The following ERCC6 variants were observed in gnomAD, a reference collection of about 807,000 sequenced individuals.
ERCC6 encodes the protein DNA excision repair protein ERCC-6.
Under a neutral mutation model 158.7 loss-of-function variants are expected in ERCC6, and 116 were observed. The observed-to-expected ratio is 0.73, with a 90% CI of 0.63 to 0.85. The LOEUF (loss-of-function observed/expected upper bound fraction) is 0.85. ERCC6 is among the 40% of genes least tolerant of loss of function. The probability of loss-of-function intolerance (pLI) is 0.00; values close to 1 mark genes in which losing one functional copy is unlikely to be tolerated. For synonymous variants in ERCC6, 678 were observed against 659.3 expected, an observed-to-expected ratio of 1.03 and a Z score of -0.43; for missense variants, 1,698 against 1,799.4, an observed-to-expected ratio of 0.94 and a Z score of 1.02.
chr10:49,436,872 A>G, the ERCC6 span, among the ~76,000 whole-genome samples: 1 of 152,238 alleles, frequency 6.6e-6, no homozygotes, highest in African/African-American at 2.4e-5. Context: ...AATTAGAACC[A>G]GGTAAGAGAG....
In ERCC6 at chr10:49,516,509, C is replaced by A. The variant is rs200121511; in HGVS notation, c.1397+7524G>T. ...CATTATGCACATCTGTTCTTTGTTC[C>A]CAAAACATACGCCTTCTAGGAACTG... On this transcript the variant is annotated intron_variant, in intron 5 of 20. Transcript: ENST00000355832. 2.3e-4 allele frequency: 375 copies of A among 1,614,070 alleles called. 2 individuals carry two copies. The highest frequency in any genetic ancestry group is 1.7e-4 in the Non-Finnish European group (203 of 1,180,004).
chr10:49,515,820 C>G (rs368563985), intron 5 of ERCC6: 2 of 1,614,168 alleles, frequency 1.2e-6, no homozygotes, highest in South Asian at 1.1e-5. Context: ...ACTGACAAGA[C>G]ACAGGGGATG....
chr10:49,475,109 C>A (rs1261259148), intron 12 of ERCC6, among the ~76,000 whole-genome samples: 2 of 152,214 alleles, frequency 1.3e-5, no homozygotes, highest in African/African-American at 2.4e-5. Flanking sequence ...TCAATCTGCA[C>A]TGTCCAATGC....
At chr10:49,472,075 C>T (rs1305998553) in intron 16 of ERCC6, among the ~76,000 whole-genome samples, 2 of 152,130 alleles carry the variant, frequency 1.3e-5, no homozygotes, top group African/African-American at 4.8e-5. Flanking sequence ...CTGAAGGCAA[C>T]ACACCATAGC....
chr10:49,459,265 T>C (rs373553169), intron 20 of ERCC6, 31 bp from the exon 21 acceptor site: 3 of 1,609,480 alleles, frequency 1.9e-6, no homozygotes, highest in African/African-American at 2.7e-5. Flanking sequence ...TACTGATATA[T>C]TTAATTTCTA....
intron 18 of ERCC6, 67 bp downstream of exon 18, chr10:49,470,115 C>T: frequency 7.1e-7 from 1 of 1,405,738 alleles, no homozygotes. Flanking sequence ...AAGACTGCTA[C>T]TGCTAGAAAC....
At chr10:49,463,329 C>T (rs578216451) in intron 18 of ERCC6, among the ~76,000 whole-genome samples, 30 of 152,162 alleles carry the variant, frequency 2.0e-4, no homozygotes, top group Admixed American at 3.9e-4. Context: ...TTTTCCACAT[C>T]TGGCATCATG....
chr10:49,490,470 T>C (rs1020451867), intron 8 of ERCC6, among the ~76,000 whole-genome samples: 2 of 151,322 alleles, frequency 1.3e-5, no homozygotes, highest in African/African-American at 4.9e-5. Flanking sequence ...TTCTCCTGCC[T>C]CAGCCTCCCG....
intron 18 of ERCC6, among the ~76,000 whole-genome samples, chr10:49,469,473 G>A (rs781368043): frequency 1.9e-4 from 29 of 152,108 alleles, no homozygotes; most frequent in Non-Finnish European, 2.6e-4. Flanking sequence ...AGAGTTCTTC[G>A]TATTATTCCA....
intron 18 of ERCC6, among the ~76,000 whole-genome samples, chr10:49,467,481 C>T (rs908166854): frequency 1.3e-5 from 2 of 152,078 alleles, no homozygotes; most frequent in Non-Finnish European, 2.9e-5. Context: ...ATAATATTAA[C>T]AAGTTTCATA....
At chr10:49,501,922 C>A (rs981056985) in intron 6 of ERCC6, 1 of 151,940 alleles carries the variant, frequency 6.6e-6, no homozygotes, top group Admixed American at 6.6e-5. Flanking sequence ...ATTGCACCAC[C>A]GGATTCCAAA....
the ERCC6 span, among the ~76,000 whole-genome samples, chr10:49,440,990 G>A: frequency 6.6e-6 from 1 of 152,212 alleles, no homozygotes. Flanking sequence ...CTTTATTAAT[G>A]AGCTGTGACA....
At chr10:49,512,467 T>A (rs2132591099) in intron 5 of ERCC6, among the ~76,000 whole-genome samples, 1 of 152,350 alleles carries the variant, frequency 6.6e-6, no homozygotes, top group East Asian at 1.9e-4. Flanking sequence ...TTCTTCCCAA[T>A]ATTGATACTG....
At chr10:49,444,652 G>T in the ERCC6 span, among the ~76,000 whole-genome samples, 2 of 152,160 alleles carry the variant, frequency 1.3e-5, no homozygotes, top group African/African-American at 4.8e-5. Context: ...GTGAGTACGA[G>T]GATTGAGCTG....
At chr10:49,481,152 GA>G (rs2132549830) in intron 10 of ERCC6, among the ~76,000 whole-genome samples, 2 of 152,322 alleles carry the variant, frequency 1.3e-5, no homozygotes, top group South Asian at 4.1e-4. Flanking sequence ...CCTCAGCTGT[GA>G]ATCTACATGG....
rs1836913765 is a variant in ERCC6, at chr10:49,515,319, G to T, written c.1397+8714C>A. 3.8e-6 allele frequency: 6 copies of T among 1,592,466 alleles called. No individual in the cohort carries two copies. The Middle Eastern group carries it at 6.7e-4, about 178-fold the overall frequency. On this transcript the variant is annotated intron_variant, in intron 5 of 20. Transcript: ENST00000355832. ...TAAAACTATGTTTCTTATCTCAGGA[G>T]GTGGTGACACCTGCTATTCAGTGTG...
the ERCC6 span, among the ~76,000 whole-genome samples, chr10:49,439,909 G>A: frequency 1.3e-5 from 2 of 152,142 alleles, no homozygotes; most frequent in Non-Finnish European, 2.9e-5. Context: ...CCCAAAACAA[G>A]TTTCTCATCT....
At chr10:49,467,561 G>C (rs1850699264) in intron 18 of ERCC6, among the ~76,000 whole-genome samples, 1 of 151,806 alleles carries the variant, frequency 6.6e-6, no homozygotes, top group Non-Finnish European at 1.5e-5. Context: ...TAAAAAATTG[G>C]GTTATACATT....
At chr10:49,481,882 C>T (rs1298218041) in intron 10 of ERCC6, among the ~76,000 whole-genome samples, 4 of 152,168 alleles carry the variant, frequency 2.6e-5, no homozygotes, top group Non-Finnish European at 5.9e-5. Flanking sequence ...GTCCTCATGG[C>T]CCTCACCCCA....
Sources: allele counts gnomAD v4.1 joint callset (sites outside exome capture counted in the v4.1 genomes callset), GRCh38; gene constraint gnomAD v4.1.1; transcripts MANE v1.5; gene names NCBI Gene and HGNC (gene_info 2026-07-23, HGNC 2026-07-21).